The following RIC1 variants were observed in gnomAD, a reference collection of about 807,000 sequenced individuals.
RIC1 encodes the protein guanine nucleotide exchange factor subunit RIC1.
In RIC1, 88 loss-of-function variants were observed where a neutral mutation model predicts 169.0. That is an observed-to-expected ratio of 0.52 (90% CI 0.44 to 0.62). The LOEUF (loss-of-function observed/expected upper bound fraction) is 0.62. Among genes scored for constraint, RIC1 ranks in the 20% least tolerant of loss-of-function variants. The probability of loss-of-function intolerance (pLI) is 0.00; values close to 1 mark genes in which losing one functional copy is unlikely to be tolerated. For missense variants in RIC1, 1,877 were observed against 1,725.5 expected (o/e 1.09, Z -1.56); for synonymous variants, 790 against 601.5 (o/e 1.31, Z -4.59).
At chr9:5,714,917 A>G (rs932767306) in intron 4 of RIC1, among the ~76,000 whole-genome samples, 4 of 152,228 alleles carry the variant, frequency 2.6e-5, no homozygotes, top group African/African-American at 9.6e-5. Context: ...TACTTTTAAA[A>G]AAATCCCTCT....
At chr9:5,776,563 G>C (rs1177658888), downstream of RIC1, 1 of 151,916 alleles carries the variant, frequency 6.6e-6, no homozygotes, top group Non-Finnish European at 1.5e-5. Context: ...ACAAACTTTG[G>C]TTTATTCATC....
rs1223331309 is a variant in RIC1, at chr9:5,774,307, T to C, written c.*61T>C. The C allele has an allele frequency of 5.7e-6, 8 of 1,399,758 alleles. No homozygotes were observed. Among genetic ancestry groups the C allele is most frequent in the African/African-American group, 1.4e-5 (1 of 70,238 alleles). The allele number at this position is 1,399,758 out of a possible 1,614,324, so 86.7% of individuals were successfully genotyped here. ...AGCAGCAGCGTGCAGCTCAGTACGTTGTAACATAGTTGGATGATTTAACAG... is the reference window on the plus strand; with the variant it reads ...AGCAGCAGCGTGCAGCTCAGTACGTCGTAACATAGTTGGATGATTTAACAG... On this transcript the variant is annotated 3_prime_UTR_variant, in exon 26 of 26. Transcript: ENST00000414202.
At chr9:5,664,904 A>G (rs1056412802) in intron 2 of RIC1, among the ~76,000 whole-genome samples, 2 of 152,126 alleles carry the variant, frequency 1.3e-5, no homozygotes, top group Admixed American at 6.5e-5. Context: ...CTATTCTGCT[A>G]TTAATAGTTG....
intron 6 of RIC1, among the ~76,000 whole-genome samples, chr9:5,721,228 A>G (rs890061764): frequency 2.6e-5 from 4 of 152,186 alleles, no homozygotes; most frequent in African/African-American, 9.7e-5. Context: ...TGTAAGCCCC[A>G]TTAGTACCGA....
At chr9:5,663,612 G>A (rs973009212) in intron 2 of RIC1, among the ~76,000 whole-genome samples, 4 of 152,024 alleles carry the variant, frequency 2.6e-5, no homozygotes, top group African/African-American at 9.7e-5. Context: ...AGTCTGTTTT[G>A]TGAGAAACTA....
rs189890645 is a variant in RIC1, at chr9:5,648,407, A to G, written c.145-8176A>G. 1.2e-3 allele frequency among the ~76,000 whole-genome samples: 185 copies of G among 152,318 alleles called. 6 individuals are homozygous for G. The East Asian group carries it at 0.026, about 21-fold the overall frequency. ...TTTATCAGATGTTTTTTCTGACTCA[A>G]TTGAAATGATTATCTGTTGGTGGAC... On this transcript the variant is annotated intron_variant, in intron 1 of 25. Transcript: ENST00000414202.
intron 6 of RIC1, among the ~76,000 whole-genome samples, chr9:5,724,277 C>G (rs1286405107): frequency 6.6e-6 from 1 of 152,264 alleles, no homozygotes; most frequent in South Asian, 2.1e-4. Context: ...TCCTTCACAT[C>G]CCTTGTAAGT....
intron 6 of RIC1, among the ~76,000 whole-genome samples, chr9:5,727,467 T>A (rs1824069496): frequency 6.6e-6 from 1 of 152,230 alleles, no homozygotes; most frequent in Admixed American, 6.5e-5. Context: ...TTTTGCTTCT[T>A]TGCAATGGGT....
intron 12 of RIC1, among the ~76,000 whole-genome samples, chr9:5,749,423 C>T (rs1825590759): frequency 6.6e-6 from 1 of 152,126 alleles, no homozygotes; most frequent in African/African-American, 2.4e-5. Flanking sequence ...TATGATGACT[C>T]CCTGAAGAAA....
In RIC1 at chr9:5,686,780, T is replaced by TA. The variant is rs57681016; in HGVS notation, c.253-3170dup. 8.4e-3 allele frequency among the ~76,000 whole-genome samples: 1,275 copies of TA among 151,216 alleles called. 7 individuals carry two copies. The highest frequency in any genetic ancestry group is 0.034 in the Middle Eastern group (10 of 294). Reference sequence around the variant, plus strand: ...TACCCTAAAACTTAAAGTATAATAATAAAAAAAAAGAATATGTTAATGAGG... The same window carrying TA: ...TACCCTAAAACTTAAAGTATAATAATAAAAAAAAAAGAATATGTTAATGAGG... On this transcript the variant is annotated intron_variant, in intron 2 of 25. Transcript: ENST00000414202.
chr9:5,742,798 G>A (rs373331915), intron 8 of RIC1, 71 bp from the exon 9 acceptor site: 138 of 1,023,502 alleles, frequency 1.3e-4, no homozygotes, highest in African/African-American at 5.6e-4. Context: ...GATTGTATTT[G>A]AAAAAAAAAA....
At chr9:5,777,495 T>A (rs1200875185), downstream of RIC1, among the ~76,000 whole-genome samples, 1 of 152,106 alleles carries the variant, frequency 6.6e-6, no homozygotes, top group Admixed American at 6.5e-5. Context: ...ACACGGACTC[T>A]GAATCATTTC....
chr9:5,629,500 C>T, intron 1 of RIC1, 47 bp downstream of exon 1: 1 of 1,495,272 alleles, frequency 6.7e-7, no homozygotes, highest in Non-Finnish European at 8.9e-7. Context: ...CCCCGGCCTC[C>T]CGGCGCCGTC....
chr9:5,691,199 A>C (rs1821573700), intron 3 of RIC1, among the ~76,000 whole-genome samples: 1 of 151,982 alleles, frequency 6.6e-6, no homozygotes, highest in Admixed American at 6.5e-5. Context: ...ATGCCAAGTG[A>C]AGAAACAAGT....
At chr9:5,706,491 C>T (rs1298353115) in intron 3 of RIC1, among the ~76,000 whole-genome samples, 1 of 151,992 alleles carries the variant, frequency 6.6e-6, no homozygotes, top group Non-Finnish European at 1.5e-5. Flanking sequence ...CTCCTCTTAC[C>T]TATTTTTTTT....
intron 17 of RIC1, among the ~76,000 whole-genome samples, chr9:5,761,596 G>A (rs1826344884): frequency 6.6e-6 from 1 of 152,096 alleles, no homozygotes; most frequent in Admixed American, 6.5e-5. Flanking sequence ...TCTTCTATCA[G>A]TGATAATAAC....
At chr9:5,728,221 A>G (rs1469532091) in intron 6 of RIC1, among the ~76,000 whole-genome samples, 1 of 152,128 alleles carries the variant, frequency 6.6e-6, no homozygotes, top group Non-Finnish European at 1.5e-5. Flanking sequence ...CACTTTGTTT[A>G]CCTATTCAAG....
At chr9:5,676,526 G>T (rs1820455431) in intron 2 of RIC1, among the ~76,000 whole-genome samples, 1 of 152,090 alleles carries the variant, frequency 6.6e-6, no homozygotes, top group African/African-American at 2.4e-5. Flanking sequence ...GGTACAGAGA[G>T]GTTAAGTAAC....
chr9:5,667,743 G>A (rs747421083), intron 2 of RIC1, among the ~76,000 whole-genome samples: 5 of 152,056 alleles, frequency 3.3e-5, no homozygotes, highest in South Asian at 4.1e-4. Flanking sequence ...AGGCTCAAGC[G>A]ATCATCCTGC....
Sources: gnomAD v4.1 joint callset for allele counts (sites outside exome capture counted in the v4.1 genomes callset) on GRCh38, gnomAD v4.1.1 for gene constraint, MANE v1.5 for transcripts, NCBI Gene and HGNC (gene_info 2026-07-23, HGNC 2026-07-21) for gene names.